The following UTP25 variants were observed in gnomAD, a reference collection of about 807,000 sequenced individuals.
UTP25 encodes UTP25 small subunit processome component.
Under a neutral mutation model 78.9 loss-of-function variants are expected in UTP25, and 50 were observed. The ratio of observed to expected loss-of-function variants is 0.63; its 90% CI spans 0.50 to 0.80. The LOEUF is 0.80. UTP25 is among the 30% of genes least tolerant of loss of function. The probability of loss-of-function intolerance (pLI) is 0.00; values close to 1 mark genes in which losing one functional copy is unlikely to be tolerated. For synonymous variants in UTP25, 329 were observed against 336.5 expected, an observed-to-expected ratio of 0.98 and a Z score of 0.24; for missense variants, 846 against 911.3, an observed-to-expected ratio of 0.93 and a Z score of 0.92.
chr1:209,843,934 T>G, intron 11 of UTP25: 1 of 541,594 alleles, frequency 1.8e-6, no homozygotes, highest in Admixed American at 3.3e-5. Context: ...ACCCTGTCTA[T>G]AGACCTGGCA....
At chr1:209,840,476 A>G (rs1243314080) in intron 7 of UTP25, among the ~76,000 whole-genome samples, 1 of 152,212 alleles carries the variant, frequency 6.6e-6, no homozygotes, top group Non-Finnish European at 1.5e-5. Context: ...GAAGCTCTCA[A>G]AAGTGTTCAT....
At chr1:209,844,021 C>T in intron 11 of UTP25, 1 of 249,730 alleles carries the variant, frequency 4.0e-6, no homozygotes, top group Non-Finnish European at 7.7e-6. Flanking sequence ...AGGGACCTTC[C>T]CTGTATTCAC....
rs781152020 is a variant in UTP25, at chr1:209,843,541, C to G, written c.1872C>G (p.Phe624Leu). The stretch of plus-strand genomic sequence containing the variant: ...TCTATATCCCCTCCTACTTTGACTT[C>G]GTGCGTCTTCGAAATTACTTCAAGA... ...TLIYIPSYFDFVRLRNYFKKE... is the reference protein window; with the variant it reads ...TLIYIPSYFDLVRLRNYFKKE... Residue 624 changes from phenylalanine to leucine, a missense_variant, in exon 11 of 12, where the codon TTC (phenylalanine) becomes TTG (leucine). Phe to Leu is a conservative substitution (Grantham distance 22). Coordinates refer to ENST00000491415, the MANE Select transcript of UTP25 (RefSeq NM_014388.7). 4 of 1,614,048 alleles carry G rather than the reference C, an allele frequency of 2.5e-6. No homozygotes were observed. The highest frequency in any genetic ancestry group is 3.4e-6 in the Non-Finnish European group (4 of 1,180,032).
At position 209,840,993 on chromosome 1, in the gene UTP25, A is replaced by C; in HGVS notation, c.1423A>C (p.Ile475Leu). 2 of 1,614,136 alleles carry C rather than the reference A, an allele frequency of 1.2e-6. No individual in the cohort carries two copies. The highest frequency in any genetic ancestry group is 1.7e-6 in the Non-Finnish European group (2 of 1,179,964). ...GAGAGATTTTGACTTTCTGTCTTCT[A>C]TCGAGCTTCTCATCATTGATCAAGC... ...KKRDFDFLSS[I>L]ELLIIDQADI... The change falls in exon 8 of 12, where the codon ATC becomes CTC. Residue 475 changes from isoleucine to leucine, a missense_variant. By Grantham distance (5) the Ile-to-Leu change is conservative. Coordinates refer to ENST00000491415, the MANE Select transcript of UTP25 (RefSeq NM_014388.7).
At chr1:209,843,374 G>T in intron 10 of UTP25, 77 bp from the exon 11 acceptor site, 1 of 1,534,886 alleles carries the variant, frequency 6.5e-7, no homozygotes, top group Non-Finnish European at 8.8e-7. Context: ...ATTGTAATTT[G>T]CTCAGGGTCA....
At chr1:209,843,162 G>A in intron 10 of UTP25, 2 of 453,362 alleles carry the variant, frequency 4.4e-6, no homozygotes, top group Non-Finnish European at 4.0e-6. Context: ...GAGTGACTGA[G>A]TGACTGACTG....
At chr1:209,841,394 C>T (rs1406595463) in intron 8 of UTP25, among the ~76,000 whole-genome samples, 1 of 152,172 alleles carries the variant, frequency 6.6e-6, no homozygotes, top group Admixed American at 6.5e-5. Flanking sequence ...TCACCAGGAA[C>T]ATCTTTACCT....
chr1:209,851,469 G>A lies in UTP25; in HGVS notation c.*22G>A, dbSNP rs750583920. Reference sequence around the variant, plus strand: ...ATGAAATTTTGTTGGGCAGGAAGTGGTATTTGGCATGATACATAATGTTTG... The same window carrying A: ...ATGAAATTTTGTTGGGCAGGAAGTGATATTTGGCATGATACATAATGTTTG... On this transcript the variant is annotated 3_prime_UTR_variant, in exon 12 of 12. Transcript: ENST00000491415. 2 of 1,589,256 alleles carry A rather than the reference G, an allele frequency of 1.3e-6. No homozygotes were observed. The highest frequency in any genetic ancestry group is 1.7e-6 in the Non-Finnish European group (2 of 1,167,390).
Position 209,828,113 on chromosome 1 carries a change from C to T in UTP25, c.50C>T (p.Thr17Ile). ...RSQSQLLNTL[T>I]KKQKKHLRDF... ...CAGAGCCAGCTACTCAACACCCTAA[C>T]TAAAAAGCAGAAGAAACATCTTCGA... Residue 17 changes from threonine to isoleucine, a missense_variant, in exon 1 of 12, where the codon ACT (threonine) becomes ATT (isoleucine). Coordinates refer to ENST00000491415, the MANE Select transcript of UTP25 (RefSeq NM_014388.7). 1 of 1,614,188 alleles carries T rather than the reference C, an allele frequency of 6.2e-7. No homozygotes were observed.
Position 209,835,141 on chromosome 1 carries a change from C to A in UTP25, c.629C>A (p.Pro210His). 1 of 1,613,598 alleles carries A rather than the reference C, an allele frequency of 6.2e-7. No homozygotes were observed. The highest frequency in any genetic ancestry group is 1.1e-5 in the South Asian group (1 of 91,048). ...EKAIQAVATN[P>H]KTTHELKWPI... is the part of the protein sequence containing the mutation. ...GCAATTCAGGCTGTTGCCACAAATC[C>A]CAAAACTACCCACGAGCTTAAAGTA... Residue 210 changes from proline to histidine, a missense_variant, in exon 5 of 12, where the codon CCC (proline) becomes CAC (histidine). Coordinates refer to ENST00000491415, the MANE Select transcript of UTP25 (RefSeq NM_014388.7).
intron 11 of UTP25, 73 bp from the exon 12 acceptor site, chr1:209,851,131 G>T: frequency 2.6e-6 from 4 of 1,535,372 alleles, no homozygotes; most frequent in Non-Finnish European, 2.6e-6. Flanking sequence ...CTATGCCTCT[G>T]TACAACTCCT....
rs2078286836 is a variant in UTP25 at position 209,857,511 on chromosome 1, A to G, written c.*6064A>G. 1 of 152,158 alleles carries G rather than the reference A, an allele frequency of 6.6e-6. No homozygotes were observed. The highest frequency in any genetic ancestry group is 1.5e-5 in the Non-Finnish European group (1 of 68,038). The allele number at this position is 152,158 out of a possible 1,614,324, so 9.4% of individuals were successfully genotyped here. Reference sequence around the variant, plus strand: ...GTTTTCTGCATGAATAATAACCAACAATGTGTGTGTATGTATATATATGCT... The same window carrying G: ...GTTTTCTGCATGAATAATAACCAACGATGTGTGTGTATGTATATATATGCT... On this transcript the variant is annotated 3_prime_UTR_variant, in exon 12 of 12. Transcript: ENST00000491415.
intron 6 of UTP25, among the ~76,000 whole-genome samples, chr1:209,838,109 T>C (rs1029081751): frequency 1.1e-4 from 17 of 152,210 alleles, no homozygotes; most frequent in Admixed American, 3.3e-4. Flanking sequence ...ACTGCACTCC[T>C]TGGGGCTTGA....
intron 1 of UTP25, among the ~76,000 whole-genome samples, chr1:209,829,441 G>A (rs958119999): frequency 1.2e-4 from 19 of 152,104 alleles, no homozygotes; most frequent in African/African-American, 4.3e-4. Context: ...ACTACTTTGG[G>A]CTGCTTTGTC....
Position 209,842,714 on chromosome 1 carries a change from C to G in UTP25, c.1781+19C>G. 1.3e-6 allele frequency: 2 copies of G among 1,574,018 alleles called. No homozygotes were observed. Among genetic ancestry groups the G allele is most frequent in the Admixed American group, 1.7e-5 (1 of 57,214 alleles). On this transcript the variant is annotated intron_variant, in intron 10 of 11. Transcript: ENST00000491415. The stretch of plus-strand genomic sequence containing the variant: ...ATGCCAGGTAACCCACTCCTCCCAG[C>G]AGGCCCCTGGGGACCACATAGAGAG...
Position 209,855,207 on chromosome 1 carries a change from C to A in UTP25, c.*3760C>A, listed in dbSNP as rs2078267081. ...CTTCCTCCTATGCCACGTGCTCTCA[C>A]CAGAACTGCAGCAAAACTGCATTTT... On this transcript the variant is annotated 3_prime_UTR_variant, in exon 12 of 12. Coordinates refer to ENST00000491415, the MANE Select transcript of UTP25 (RefSeq NM_014388.7). 6.6e-6 allele frequency: 1 copy of A among 152,224 alleles called. No individual in the cohort carries two copies. Among genetic ancestry groups the A allele is most frequent in the South Asian group, 2.1e-4 (1 of 4,836 alleles). 9.4% of individuals were successfully genotyped at this position (152,224 alleles called of 1,614,324 possible). A position where few individuals can be genotyped will look rare whatever the true frequency, so the allele number is the denominator to read the frequency against.
intron 11 of UTP25, among the ~76,000 whole-genome samples, chr1:209,845,658 T>C (rs1411685082): frequency 1.3e-5 from 2 of 152,186 alleles, no homozygotes; most frequent in African/African-American, 4.8e-5. Context: ...GCCAGGTTAA[T>C]TGGTGTTTCT....
chr1:209,842,373 C>A lies in UTP25; in HGVS notation c.1594C>A (p.Leu532Met), dbSNP rs1419609036. The A allele has an allele frequency of 1.9e-6, 3 of 1,614,048 alleles. No individual in the cohort carries two copies. Among genetic ancestry groups the A allele is most frequent in the Non-Finnish European group, 2.5e-6 (3 of 1,180,006 alleles). The change falls in exon 9 of 12, where the codon CTG becomes ATG. Residue 532 changes from leucine (L) to methionine (M), a missense_variant. By Grantham distance (15) the Leu-to-Met change is conservative (BLOSUM62 2). Coordinates refer to ENST00000491415, the MANE Select transcript of UTP25 (RefSeq NM_014388.7). Reference sequence around the variant, plus strand: ...TTGGTCCAAGTACTATCGCCAGACACTGCTATTTGGGGCCCTTCAGGATGC... The same window carrying A: ...TTGGTCCAAGTACTATCGCCAGACAATGCTATTTGGGGCCCTTCAGGATGC... ...NNWSKYYRQT[L>M]LFGALQDAQI...
intron 2 of UTP25, among the ~76,000 whole-genome samples, chr1:209,830,522 T>G (rs1320824351): frequency 6.7e-6 from 1 of 149,336 alleles, no homozygotes; most frequent in Non-Finnish European, 1.5e-5. Context: ...AAAAGAAACC[T>G]GTTTTCTTTT....
Sources: allele counts gnomAD v4.1 joint callset (sites outside exome capture counted in the v4.1 genomes callset), GRCh38; gene constraint gnomAD v4.1.1; transcripts MANE v1.5; gene names NCBI Gene and HGNC (gene_info 2026-07-23, HGNC 2026-07-21).